Variants in PRKG1 observed in about 807,000 individuals in gnomAD.
PRKG1 encodes the protein cGMP-dependent protein kinase 1.
PRKG1 carries 35 observed loss-of-function variants against 88.1 expected under a neutral mutation model. The observed-to-expected ratio is 0.40, with a 90% CI of 0.30 to 0.53. The LOEUF (loss-of-function observed/expected upper bound fraction) is 0.53, where lower values mean the gene tolerates loss of function less well. Ranked by LOEUF, PRKG1 falls within the 20% of genes least tolerant of loss-of-function variation. PRKG1 has a pLI of 0.59. For synonymous variants in PRKG1, 303 were observed against 292.5 expected (o/e 1.04, Z -0.37); for missense variants, 540 against 839.8 (o/e 0.64, Z 4.41).
intron 2 of PRKG1, among the ~76,000 whole-genome samples, chr10:51,270,288 GC>G (rs1839945293): frequency 6.6e-6 from 1 of 152,082 alleles, no homozygotes; most frequent in African/African-American, 2.4e-5. Context: ...CTATTTAATG[GC>G]AAAATTAATG....
intron 2 of PRKG1, among the ~76,000 whole-genome samples, chr10:51,398,382 C>T (rs1251930740): frequency 6.6e-6 from 1 of 151,960 alleles, no homozygotes; most frequent in Non-Finnish European, 1.5e-5. Flanking sequence ...GGAGCTCAGG[C>T]GATGATGCTC....
intron 1 of PRKG1, among the ~76,000 whole-genome samples, chr10:51,116,177 T>C (rs1234173625): frequency 6.6e-6 from 1 of 152,176 alleles, no homozygotes; most frequent in African/African-American, 2.4e-5. Flanking sequence ...TGAGGTCAGT[T>C]TGTGAATGGT....
chr10:51,759,560 C>G (rs570753954), intron 3 of PRKG1, among the ~76,000 whole-genome samples: 2 of 152,306 alleles, frequency 1.3e-5, no homozygotes, highest in South Asian at 2.1e-4. Context: ...AGGTGTGAGA[C>G]ACCACGCCTG....
At chr10:51,250,434 C>T (rs549856305) in intron 2 of PRKG1, among the ~76,000 whole-genome samples, 1 of 151,904 alleles carries the variant, frequency 6.6e-6, no homozygotes, top group South Asian at 2.1e-4. Flanking sequence ...ATGGAATAAC[C>T]TGTCATGCAA....
rs184713057 is a variant in PRKG1 at position 51,527,644 on chromosome 10, C to T, written c.592+59808C>T. On this transcript the variant is annotated intron_variant, in intron 3 of 17. Coordinates refer to ENST00000373980, the MANE Select transcript of PRKG1 (RefSeq NM_006258.4). ...AATATACATAGAAAAGTGTTCTAGA[C>T]GTTATAGAGCGATTCAATTTTCTAG... Among the ~76,000 whole-genome samples the T allele has an allele frequency of 2.0e-3, 308 of 152,230 alleles. 1 individual carries two copies. Among genetic ancestry groups the T allele is most frequent in the Middle Eastern group, 6.8e-3 (2 of 294 alleles).
intron 2 of PRKG1, among the ~76,000 whole-genome samples, chr10:51,444,100 A>G (rs1440525320): frequency 6.6e-6 from 1 of 151,708 alleles, no homozygotes; most frequent in Admixed American, 6.6e-5. Context: ...AAAAGAGAGT[A>G]CAGGAAAAAA....
chr10:52,164,546 T>C (rs1269299476), intron 9 of PRKG1, among the ~76,000 whole-genome samples: 1 of 152,070 alleles, frequency 6.6e-6, no homozygotes, highest in African/African-American at 2.4e-5. Flanking sequence ...AAGACTATTA[T>C]GAAATTAAAC....
chr10:51,210,198 C>T lies in PRKG1; in HGVS notation c.478+56868C>T, dbSNP rs540187877. Among the ~76,000 whole-genome samples the T allele has an allele frequency of 2.6e-5, 4 of 152,290 alleles. No homozygotes were observed. The East Asian group carries it at 5.8e-4, about 22-fold the overall frequency. On this transcript the variant is annotated intron_variant, in intron 2 of 17. Coordinates refer to ENST00000373980, the MANE Select transcript of PRKG1 (RefSeq NM_006258.4). ...ACTCAACTGCATGGAAACTGAACAACCTGCTCCTGAATGACTACCGGGTAC... is the reference window on the plus strand; with the variant it reads ...ACTCAACTGCATGGAAACTGAACAATCTGCTCCTGAATGACTACCGGGTAC...
chr10:51,172,648 GTATCTATC>G (rs151084687), intron 2 of PRKG1, among the ~76,000 whole-genome samples: 943 of 40,952 alleles, frequency 0.023, 4 homozygotes, highest in East Asian at 0.075. Flanking sequence ...ATGTATGTAT[GTATCTATC>G]TATCTATCTA....
At chr10:51,872,638 T>C (rs1052958811) in intron 4 of PRKG1, among the ~76,000 whole-genome samples, 1 of 152,216 alleles carries the variant, frequency 6.6e-6, no homozygotes, top group Non-Finnish European at 1.5e-5. Context: ...CATATTGTTA[T>C]GATGCTTACC....
At position 51,270,782 on chromosome 10, in the gene PRKG1, C is replaced by A. The variant is rs369101875; in HGVS notation, c.478+117452C>A. On this transcript the variant is annotated intron_variant, in intron 2 of 17. Coordinates refer to ENST00000373980, the MANE Select transcript of PRKG1 (RefSeq NM_006258.4). ...TTTGGTTGGTGTCCACAACCCTCCA[C>A]TCCCTAGTTGTCATGAAACTGAGAA... 7.9e-4 allele frequency among the ~76,000 whole-genome samples: 121 copies of A among 152,308 alleles called. 4 individuals are homozygous for A. The South Asian group carries it at 0.024, about 30-fold the overall frequency.
intron 1 of PRKG1, among the ~76,000 whole-genome samples, chr10:51,054,287 C>T (rs371951462): frequency 1.3e-5 from 2 of 152,176 alleles, no homozygotes; most frequent in East Asian, 1.9e-4. Flanking sequence ...ACATAGAAGG[C>T]ATCAAGAGAA....
intron 2 of PRKG1, among the ~76,000 whole-genome samples, chr10:51,286,582 T>A (rs1042673848): frequency 6.6e-6 from 1 of 152,336 alleles, no homozygotes; most frequent in Middle Eastern, 3.4e-3. Flanking sequence ...TTAACTTAAA[T>A]TTTTAACTGA....
At chr10:52,259,710 C>T (rs570023272) in intron 10 of PRKG1, among the ~76,000 whole-genome samples, 1 of 152,124 alleles carries the variant, frequency 6.6e-6, no homozygotes, top group South Asian at 2.1e-4. Context: ...ATCATCACTA[C>T]CCAAAAGAAG....
rs558133614 is a variant in PRKG1, at chr10:51,228,649, G to T, written c.478+75319G>T. On this transcript the variant is annotated intron_variant, in intron 2 of 17. Coordinates refer to ENST00000373980, the MANE Select transcript of PRKG1 (RefSeq NM_006258.4). ...AGTGAGCATCAGGTGTGGTTTTTAG[G>T]CATGTGGAGTTTCTTCTTAGAAAAG... 2.0e-5 allele frequency among the ~76,000 whole-genome samples: 3 copies of T among 152,180 alleles called. No individual in the cohort carries two copies. The East Asian group carries it at 5.8e-4, about 29-fold the overall frequency.
chr10:52,191,517 C>T (rs933992399), intron 9 of PRKG1, among the ~76,000 whole-genome samples: 4 of 152,060 alleles, frequency 2.6e-5, no homozygotes, highest in African/African-American at 9.7e-5. Context: ...ATCCACTCTT[C>T]CAGATTATCC....
rs148607714 is a variant in PRKG1, at chr10:51,967,789, A to G, written c.762+60219A>G. On this transcript the variant is annotated intron_variant, in intron 5 of 17. Coordinates refer to ENST00000373980, the MANE Select transcript of PRKG1 (RefSeq NM_006258.4). The stretch of plus-strand genomic sequence containing the variant: ...TTTTTACATGGCTTTTGTGACCACA[A>G]TCATCTTCACCACTCCTCCCCTCTT... Among the ~76,000 whole-genome samples, 28 of 152,192 alleles carry G rather than the reference A, an allele frequency of 1.8e-4. 1 individual carries two copies. In the South Asian group the frequency reaches 2.5e-3, roughly 14 times the overall value.
intron 1 of PRKG1, among the ~76,000 whole-genome samples, chr10:51,133,015 C>A (rs1845608915): frequency 6.6e-6 from 1 of 152,034 alleles, no homozygotes; most frequent in Non-Finnish European, 1.5e-5. Flanking sequence ...TTGGTGTCTG[C>A]ATTTTAACTT....
At chr10:52,029,238 G>C (rs1009405015) in intron 5 of PRKG1, among the ~76,000 whole-genome samples, 1 of 152,156 alleles carries the variant, frequency 6.6e-6, no homozygotes, top group African/African-American at 2.4e-5. Context: ...TAAACACACA[G>C]TCTCTCTTTT....
Sources: allele counts gnomAD v4.1 joint callset (sites outside exome capture counted in the v4.1 genomes callset), GRCh38; gene constraint gnomAD v4.1.1; transcripts MANE v1.5; gene names NCBI Gene and HGNC (gene_info 2026-07-23, HGNC 2026-07-21).